The following LSAMP variants were observed in gnomAD, a reference collection of about 807,000 sequenced individuals.
The protein encoded by LSAMP is limbic system associated membrane protein.
A neutral mutation model predicts 38.6 loss-of-function variants in LSAMP; 7 were observed. The ratio of observed to expected loss-of-function variants is 0.18; its 90% CI spans 0.10 to 0.34. LSAMP has a LOEUF of 0.34. Ranked by LOEUF, LSAMP falls within the 10% of genes least tolerant of loss-of-function variation. The pLI is 1.00. For missense variants in LSAMP, 313 were observed against 420.0 expected (o/e 0.75, Z 2.23); for synonymous variants, 154 against 166.8 (o/e 0.92, Z 0.59).
chr3:116,226,018 CT>C (rs2046338275), intron 1 of LSAMP, among the ~76,000 whole-genome samples: 1 of 152,122 alleles, frequency 6.6e-6, no homozygotes, highest in Non-Finnish European at 1.5e-5. Flanking sequence ...AAATTGAAAG[CT>C]TTTCATGGTA....
In LSAMP at chr3:115,962,366, A is replaced by C. The variant is rs181241416; in HGVS notation, c.514+57149T>G. Among the ~76,000 whole-genome samples, 11 of 152,274 alleles carry C rather than the reference A, an allele frequency of 7.2e-5. No homozygotes were observed. In the East Asian group the frequency reaches 1.9e-3, roughly 27 times the overall value. Reference sequence around the variant, plus strand: ...TTATACAAAACAGGGCCAGTGTTGGAAGAGGAACATTTTCTTCATGTCTTT... The same window carrying C: ...TTATACAAAACAGGGCCAGTGTTGGCAGAGGAACATTTTCTTCATGTCTTT... On this transcript the variant is annotated intron_variant, in intron 3 of 6. Transcript: ENST00000490035.
At chr3:116,320,099 A>G (rs1192328939) in intron 1 of LSAMP, among the ~76,000 whole-genome samples, 2 of 152,288 alleles carry the variant, frequency 1.3e-5, no homozygotes, top group African/African-American at 4.8e-5. Context: ...TGCATTTTCA[A>G]TGTTGCAGCC....
intron 1 of LSAMP, among the ~76,000 whole-genome samples, chr3:116,228,655 C>T (rs187207591): frequency 1.3e-5 from 2 of 152,046 alleles, no homozygotes; most frequent in Non-Finnish European, 1.5e-5. Context: ...GTGGTAGAAG[C>T]GGAGATCACT....
At chr3:116,055,112 C>T (rs887717527) in intron 2 of LSAMP, among the ~76,000 whole-genome samples, 7 of 152,176 alleles carry the variant, frequency 4.6e-5, no homozygotes, top group African/African-American at 1.4e-4. Flanking sequence ...CACATTATCA[C>T]ACCTCAATTT....
chr3:115,873,393 A>G (rs1936100164), intron 3 of LSAMP, among the ~76,000 whole-genome samples: 1 of 151,866 alleles, frequency 6.6e-6, no homozygotes, highest in African/African-American at 2.4e-5. Context: ...AAAAAAAAAA[A>G]AGTCTATGCT....
chr3:116,042,379 G>C (rs577333331), intron 2 of LSAMP, among the ~76,000 whole-genome samples: 1 of 151,364 alleles, frequency 6.6e-6, no homozygotes, highest in South Asian at 2.1e-4. Context: ...CTGTTCTATC[G>C]GTCTTAAGAC....
chr3:116,190,088 GACACACACACACAC>G (rs3071108), intron 1 of LSAMP, among the ~76,000 whole-genome samples: 4 of 142,800 alleles, frequency 2.8e-5, no homozygotes, highest in Admixed American at 6.9e-5. Context: ...TCCAGTAGTA[GACACACACACACAC>G]ACACACACAC....
At chr3:116,093,070 T>C (rs970124494) in intron 1 of LSAMP, among the ~76,000 whole-genome samples, 1 of 152,216 alleles carries the variant, frequency 6.6e-6, no homozygotes, top group African/African-American at 2.4e-5. Context: ...TATACTCATA[T>C]TTATACATTG....
intron 3 of LSAMP, among the ~76,000 whole-genome samples, chr3:115,978,969 A>C (rs955789736): frequency 2.6e-5 from 4 of 152,156 alleles, no homozygotes; most frequent in African/African-American, 9.6e-5. Flanking sequence ...AAGGAATAAG[A>C]AATTTATTTA....
In LSAMP at chr3:115,988,446, G is replaced by A. The variant is rs139697385; in HGVS notation, c.514+31069C>T. Among the ~76,000 whole-genome samples, 76 of 152,080 alleles carry A rather than the reference G, an allele frequency of 5.0e-4. 1 individual carries two copies. The East Asian group carries it at 0.014, about 28-fold the overall frequency. On this transcript the variant is annotated intron_variant, in intron 3 of 6. Coordinates refer to ENST00000490035, the MANE Select transcript of LSAMP (RefSeq NM_002338.5). ...GGGAATAGAATGTCTGTAGAATAAA[G>A]TGTTTTTTGTTTGTTTGTCTGTTTG...
chr3:116,250,412 C>T (rs149133843), intron 1 of LSAMP, among the ~76,000 whole-genome samples: 1 of 152,082 alleles, frequency 6.6e-6, no homozygotes, highest in African/African-American at 2.4e-5. Context: ...CCTCCTTTAT[C>T]TTGACTTTAA....
intron 1 of LSAMP, among the ~76,000 whole-genome samples, chr3:116,090,322 T>C (rs898211525): frequency 2.0e-5 from 3 of 152,174 alleles, no homozygotes; most frequent in Admixed American, 2.0e-4. Flanking sequence ...TCATACAGTG[T>C]ACTGACAGAC....
chr3:115,820,098 AG>A (rs1934180846), intron 6 of LSAMP, among the ~76,000 whole-genome samples: 1 of 145,872 alleles, frequency 6.9e-6, no homozygotes, highest in Non-Finnish European at 1.6e-5. Flanking sequence ...TGTTATAGAC[AG>A]AATTTTTTTT....
At chr3:116,162,707 A>T (rs77771058) in intron 1 of LSAMP, among the ~76,000 whole-genome samples, 25,929 of 132,888 alleles carry the variant, frequency 0.2, 2,338 homozygotes, top group Admixed American at 0.23. Flanking sequence ...TATATATATA[A>T]AGTGAAAGCA....
At chr3:115,812,699 A>G (rs886998260) in intron 6 of LSAMP, among the ~76,000 whole-genome samples, 3 of 152,238 alleles carry the variant, frequency 2.0e-5, no homozygotes, top group Non-Finnish European at 4.4e-5. Flanking sequence ...ATAGAGGGTT[A>G]GGCAGAAAAT....
At chr3:116,019,200 T>G (rs1940569091) in intron 3 of LSAMP, among the ~76,000 whole-genome samples, 1 of 150,258 alleles carries the variant, frequency 6.7e-6, no homozygotes, top group Non-Finnish European at 1.5e-5. Context: ...ATTTTACAGA[T>G]AGATAGATCT....
At chr3:116,314,259 A>ACAT (rs1470187051) in intron 1 of LSAMP, among the ~76,000 whole-genome samples, 1 of 152,196 alleles carries the variant, frequency 6.6e-6, no homozygotes, top group African/African-American at 2.4e-5. Flanking sequence ...CCCTCTCTAT[A>ACAT]CATCAGATCG....
chr3:116,289,624 TTCTA>T (rs2047237737), intron 1 of LSAMP, among the ~76,000 whole-genome samples: 1 of 152,090 alleles, frequency 6.6e-6, no homozygotes, highest in African/African-American at 2.4e-5. Context: ...CAGAAAACCC[TTCTA>T]TCTGACCTTT....
chr3:116,197,163 A>ACACACACACACACACACACT (rs1268040540), intron 1 of LSAMP, among the ~76,000 whole-genome samples: 7 of 139,208 alleles, frequency 5.0e-5, no homozygotes, highest in African/African-American at 1.8e-4. Flanking sequence ...ACACACACAC[A>ACACACACACACACACACACT]CTCTCTCTCT....
Sources: allele counts gnomAD v4.1 joint callset (sites outside exome capture counted in the v4.1 genomes callset), GRCh38; gene constraint gnomAD v4.1.1; transcripts MANE v1.5; gene names NCBI Gene and HGNC (gene_info 2026-07-23, HGNC 2026-07-21).